CSMD1: variants seen among roughly 807,000 people sequenced by gnomAD.
CSMD1 encodes CUB and Sushi multiple domains 1.
CSMD1 carries 213 observed loss-of-function variants against 417.5 expected under a neutral mutation model. The ratio of observed to expected loss-of-function variants is 0.51; its 90% CI spans 0.46 to 0.57. The LOEUF (loss-of-function observed/expected upper bound fraction) is 0.57. CSMD1 is among the 20% of genes least tolerant of loss of function. The pLI is 0.00. For synonymous variants in CSMD1, 2,862 were observed against 1,736.8 expected, an observed-to-expected ratio of 1.65 and a Z score of -16.11; for missense variants, 6,923 against 4,529.7, an observed-to-expected ratio of 1.53 and a Z score of -15.17.
intron 7 of CSMD1, among the ~76,000 whole-genome samples, chr8:3,641,431 C>G (rs184641217): frequency 1.9e-4 from 29 of 152,142 alleles, no homozygotes; most frequent in African/African-American, 6.8e-4. Context: ...CTTCTTATAA[C>G]CCACATCACT....
intron 3 of CSMD1, among the ~76,000 whole-genome samples, chr8:4,186,024 C>T (rs1378981797): frequency 1.3e-5 from 2 of 152,164 alleles, no homozygotes; most frequent in Non-Finnish European, 2.9e-5. Context: ...ATACAAATCC[C>T]TAGGTACATA....
At chr8:3,548,885 G>A (rs905858088) in intron 10 of CSMD1, among the ~76,000 whole-genome samples, 1 of 152,054 alleles carries the variant, frequency 6.6e-6, no homozygotes, top group African/African-American at 2.4e-5. Context: ...CCTACCCCGA[G>A]TCCACATCCT....
At chr8:3,025,959 C>T (rs888798012) in intron 51 of CSMD1, among the ~76,000 whole-genome samples, 1 of 152,026 alleles carries the variant, frequency 6.6e-6, no homozygotes, top group African/African-American at 2.4e-5. Flanking sequence ...TCTTTGGGGT[C>T]CAGTGGTAGG....
chr8:4,506,826 T>A (rs1802550234), intron 2 of CSMD1, among the ~76,000 whole-genome samples: 1 of 152,186 alleles, frequency 6.6e-6, no homozygotes, highest in African/African-American at 2.4e-5. Flanking sequence ...ATCTTTTAAA[T>A]TAGGATAGAA....
At chr8:4,835,777 G>T (rs6992030) in intron 1 of CSMD1, among the ~76,000 whole-genome samples, 1 of 151,336 alleles carries the variant, frequency 6.6e-6, no homozygotes, top group Admixed American at 6.6e-5. Context: ...AGCTGCAAAA[G>T]TGAGTAATTC....
At position 4,233,741 on chromosome 8, in the gene CSMD1, T is replaced by C. The variant is rs143188012; in HGVS notation, c.415+186212A>G. Among the ~76,000 whole-genome samples, 49 of 152,312 alleles carry C rather than the reference T, an allele frequency of 3.2e-4. 1 individual carries two copies. The East Asian group carries it at 9.1e-3, about 28-fold the overall frequency. ...GACTAAGATATTAATAAAATAAAGA[T>C]GTAAGATCTCTGTTGAAATGCACAA... is the stretch of plus-strand genomic sequence containing the variant. On this transcript the variant is annotated intron_variant, in intron 3 of 69. Transcript: ENST00000635120.
At chr8:3,019,143 C>T (rs1030813441) in intron 51 of CSMD1, among the ~76,000 whole-genome samples, 12 of 152,178 alleles carry the variant, frequency 7.9e-5, no homozygotes, top group African/African-American at 2.4e-4. Flanking sequence ...ATCTCAAACT[C>T]CTGACCTCAA....
At chr8:4,199,809 T>C (rs1043517658) in intron 3 of CSMD1, among the ~76,000 whole-genome samples, 5 of 152,146 alleles carry the variant, frequency 3.3e-5, no homozygotes, top group African/African-American at 9.7e-5. Context: ...CGGATGACTT[T>C]TGTAGGTTTC....
chr8:3,203,345 A>C (rs1010887206), intron 31 of CSMD1, among the ~76,000 whole-genome samples: 5 of 152,112 alleles, frequency 3.3e-5, no homozygotes, highest in African/African-American at 1.2e-4. Flanking sequence ...CCAGTGAGCA[A>C]ACTCAATTGC....
At chr8:4,960,718 T>C (rs1251713661) in intron 1 of CSMD1, among the ~76,000 whole-genome samples, 2 of 152,136 alleles carry the variant, frequency 1.3e-5, no homozygotes, top group Non-Finnish European at 2.9e-5. Context: ...AGTCCGGTAG[T>C]TTCCTAAAAA....
chr8:4,636,291 A>AT (rs1218097317), intron 2 of CSMD1, among the ~76,000 whole-genome samples: 1 of 152,150 alleles, frequency 6.6e-6, no homozygotes, highest in Non-Finnish European at 1.5e-5. Flanking sequence ...TACAGGTATA[A>AT]TTTTTTCTTG....
chr8:4,031,681 T>C (rs1156493160), intron 4 of CSMD1, among the ~76,000 whole-genome samples: 1 of 152,226 alleles, frequency 6.6e-6, no homozygotes, highest in African/African-American at 2.4e-5. Flanking sequence ...TCACATGTTA[T>C]TACTTACATA....
chr8:3,726,133 A>T (rs542618143), intron 6 of CSMD1, among the ~76,000 whole-genome samples: 1 of 152,022 alleles, frequency 6.6e-6, no homozygotes, highest in Non-Finnish European at 1.5e-5. Context: ...GTCCCTGCCA[A>T]CAGCCATGCA....
At chr8:4,107,623 G>T (rs1291611374) in intron 3 of CSMD1, among the ~76,000 whole-genome samples, 1 of 152,094 alleles carries the variant, frequency 6.6e-6, no homozygotes, top group Non-Finnish European at 1.5e-5. Context: ...GACTCAAACT[G>T]CATGTACAAT....
At chr8:3,408,993 G>C (rs116390029) in intron 13 of CSMD1, among the ~76,000 whole-genome samples, 2,297 of 152,150 alleles carry the variant, frequency 0.015, 70 homozygotes, top group African/African-American at 0.053. Context: ...AGAGGAAGTG[G>C]GCAGCTCATC....
At chr8:3,108,849 A>T (rs1489038785) in intron 43 of CSMD1, 101 bp from the exon 44 acceptor site, 16 of 1,153,266 alleles carry the variant, frequency 1.4e-5, no homozygotes, top group Non-Finnish European at 2.0e-5. Context: ...TAAAAGCAAT[A>T]AAACATATGC....
chr8:3,290,454 T>C (rs1207836491), intron 25 of CSMD1, among the ~76,000 whole-genome samples: 5 of 140,790 alleles, frequency 3.6e-5, no homozygotes, highest in Non-Finnish European at 6.0e-5. Context: ...TCTTCCTACC[T>C]ATGAGCATGG....
At chr8:3,747,005 C>G (rs1019197248) in intron 6 of CSMD1, among the ~76,000 whole-genome samples, 5 of 152,198 alleles carry the variant, frequency 3.3e-5, no homozygotes, top group Admixed American at 3.3e-4. Context: ...TTCCTCCTTT[C>G]ATTAGGAATT....
At chr8:3,760,469 T>C (rs548684348) in intron 5 of CSMD1, among the ~76,000 whole-genome samples, 2 of 152,190 alleles carry the variant, frequency 1.3e-5, no homozygotes, top group South Asian at 2.1e-4. Context: ...AATTGTACCA[T>C]ACATTTTAGG....
Sources: gnomAD v4.1 joint callset for allele counts (sites outside exome capture counted in the v4.1 genomes callset) on GRCh38, gnomAD v4.1.1 for gene constraint, MANE v1.5 for transcripts, NCBI Gene and HGNC (gene_info 2026-07-23, HGNC 2026-07-21) for gene names.